EYS: variants seen among roughly 807,000 people sequenced by gnomAD.
EYS encodes protein eyes shut homolog.
In EYS, 250 loss-of-function variants were observed where a neutral mutation model predicts 282.1. That is an observed-to-expected ratio of 0.89 (90% confidence interval 0.80 to 0.98). The LOEUF (loss-of-function observed/expected upper bound fraction) is 0.98. Ranked by LOEUF, EYS falls within the 50% of genes least tolerant of loss-of-function variation. The probability of loss-of-function intolerance (pLI) is 0.00; values close to 1 mark genes in which losing one functional copy is unlikely to be tolerated. For synonymous variants in EYS, 1,355 were observed against 1,282.9 expected, an observed-to-expected ratio of 1.06 and a Z score of -1.20; for missense variants, 4,016 against 3,709.0, an observed-to-expected ratio of 1.08 and a Z score of -2.15.
intron 41 of EYS, chr6:63,741,766 T>C: frequency 5.3e-6 from 3 of 561,296 alleles, no homozygotes; most frequent in Non-Finnish European, 6.5e-6. Context: ...AGAGACCCCG[T>C]TCAATCTGAA....
intron 42 of EYS, among the ~76,000 whole-genome samples, chr6:63,724,262 A>G (rs1768526777): frequency 6.6e-6 from 1 of 152,128 alleles, no homozygotes; most frequent in Non-Finnish European, 1.5e-5. Flanking sequence ...TATTGTTTCT[A>G]CCTCATCATC....
intron 11 of EYS, chr6:65,301,025 C>T (rs770540292): frequency 2.6e-5 from 4 of 152,132 alleles, no homozygotes; most frequent in Non-Finnish European, 5.9e-5. Flanking sequence ...TCAGCTTTAC[C>T]ATGGTCCCAC....
At chr6:63,927,612 T>C (rs752045685) in intron 35 of EYS, among the ~76,000 whole-genome samples, 3 of 152,224 alleles carry the variant, frequency 2.0e-5, no homozygotes, top group Non-Finnish European at 4.4e-5. Flanking sequence ...TTTAATATTC[T>C]ATATTCCTCC....
intron 26 of EYS, among the ~76,000 whole-genome samples, chr6:64,576,909 T>C (rs1008306887): frequency 1.3e-5 from 2 of 152,068 alleles, no homozygotes; most frequent in African/African-American, 2.4e-5. Flanking sequence ...TATTTATAAA[T>C]AGAGTTATTA....
rs184949655 is a variant in EYS, at chr6:65,501,802, G to A, written c.-332-5809C>T. Among the ~76,000 whole-genome samples the A allele has an allele frequency of 5.3e-5, 8 of 151,616 alleles. No individual in the cohort carries two copies. The East Asian group carries it at 1.6e-3, about 29-fold the overall frequency. On this transcript the variant is annotated intron_variant, in intron 2 of 42. Coordinates refer to ENST00000503581, the MANE Select transcript of EYS (RefSeq NM_001142800.2). ...AGTTTTTTTGAAACACTTTAAGCTTGCCTTAAAAAATATTATCTAGACAAC... is the reference window on the plus strand; with the variant it reads ...AGTTTTTTTGAAACACTTTAAGCTTACCTTAAAAAATATTATCTAGACAAC...
intron 30 of EYS, among the ~76,000 whole-genome samples, chr6:64,238,835 G>T (rs76542007): frequency 6.6e-6 from 1 of 152,058 alleles, no homozygotes; most frequent in African/African-American, 2.4e-5. Flanking sequence ...TACGTGCCAT[G>T]GTGGCTTGCT....
intron 35 of EYS, among the ~76,000 whole-genome samples, chr6:63,974,334 T>C (rs1001852431): frequency 6.6e-6 from 1 of 152,022 alleles, no homozygotes; most frequent in African/African-American, 2.4e-5. Flanking sequence ...AAACCATTAA[T>C]AAATAGTTTT....
chr6:65,264,176 A>G (rs572613365), intron 12 of EYS, among the ~76,000 whole-genome samples: 184 of 152,292 alleles, frequency 1.2e-3, no homozygotes, highest in Non-Finnish European at 2.2e-3. Flanking sequence ...ATACCTAGCA[A>G]GGCACTTTTT....
In EYS at chr6:63,998,791, CTTT is replaced by C. The variant is rs60945987; in HGVS notation, c.6834+281_6834+283del. Among the ~76,000 whole-genome samples, 663 of 140,316 alleles carry C rather than the reference CTTT, an allele frequency of 4.7e-3. 9 individuals are homozygous for C. Among genetic ancestry groups the C allele is most frequent in the Non-Finnish European group, 5.1e-3 (331 of 64,358 alleles). The allele number at this position is 140,316 out of a possible 152,430, so 92.1% of individuals were successfully genotyped here. A position where few individuals can be genotyped will look rare whatever the true frequency, so the allele number is the denominator to read the frequency against. On this transcript the variant is annotated intron_variant, in intron 34 of 42. Transcript: ENST00000503581. ...CAATCTTTCCCCACTCTGGAGCTGT[CTTT>C]TTTTTTTTTTTTTAAAGTCAAGCAC...
chr6:65,552,091 T>A (rs1319939768), intron 2 of EYS, among the ~76,000 whole-genome samples: 1 of 145,846 alleles, frequency 6.9e-6, no homozygotes, highest in Non-Finnish European at 1.5e-5. Context: ...TCATCATCAC[T>A]GGCCATCAGA....
chr6:65,495,090 A>T lies in EYS; in HGVS notation c.321T>A (p.Ser107=). 6.2e-7 allele frequency: 1 copy of T among 1,614,218 alleles called. No homozygotes were observed. Among genetic ancestry groups the T allele is most frequent in the Non-Finnish European group, 8.5e-7 (1 of 1,180,026 alleles). ...QFPEINLMNV[S]ETSFVGCVQN... ...GCACACAGCCAACGAAAGATGTTTCAGAAACATTCATCAAATTTATTTCTG... is the reference window on the plus strand; with the variant it reads ...GCACACAGCCAACGAAAGATGTTTCTGAAACATTCATCAAATTTATTTCTG... The change falls in exon 4 of 43, where the codon TCT becomes TCA. Residue 107 remains serine, a synonymous_variant. Transcript: ENST00000503581.
intron 12 of EYS, among the ~76,000 whole-genome samples, chr6:65,111,905 A>G (rs555293077): frequency 2.0e-5 from 3 of 152,122 alleles, no homozygotes; most frequent in East Asian, 3.9e-4. Flanking sequence ...CATAGCCACA[A>G]TTTTCATCTA....
Position 64,012,650 on chromosome 6 carries a change from C to T in EYS, c.6726-13467G>A, listed in dbSNP as rs76724780. Among the ~76,000 whole-genome samples the T allele has an allele frequency of 1.1e-4, 16 of 152,286 alleles. No homozygotes were observed. In the East Asian group the frequency reaches 3.1e-3, roughly 29 times the overall value. On this transcript the variant is annotated intron_variant, in intron 33 of 42. Transcript: ENST00000503581. ...CACTTCACTTATCCAGTGTGATTGT[C>T]ATGGCTGGGTAAGCAAATTTAAGGA...
At chr6:64,481,115 T>C (rs1183013670) in intron 26 of EYS, among the ~76,000 whole-genome samples, 1 of 151,338 alleles carries the variant, frequency 6.6e-6, no homozygotes, top group East Asian at 1.9e-4. Context: ...TAATGTGCTG[T>C]TTATTTTTGC....
chr6:64,457,444 A>G (rs1049025276), intron 26 of EYS, among the ~76,000 whole-genome samples: 2 of 151,982 alleles, frequency 1.3e-5, no homozygotes, highest in African/African-American at 4.8e-5. Flanking sequence ...TAATCTGTTC[A>G]TTGCTAAAAG....
At chr6:63,908,461 A>G (rs28681049) in intron 35 of EYS, among the ~76,000 whole-genome samples, 51,244 of 151,684 alleles carry the variant, frequency 0.34, 9,258 homozygotes, top group African/African-American at 0.46. Context: ...GTTCTTTTTT[A>G]TTTTTTTGAG....
At chr6:65,692,109 A>T (rs1769264645) in intron 1 of EYS, among the ~76,000 whole-genome samples, 1 of 150,434 alleles carries the variant, frequency 6.6e-6, no homozygotes, top group Non-Finnish European at 1.5e-5. Flanking sequence ...AAAAAGAATA[A>T]AATTATGTCT....
intron 26 of EYS, among the ~76,000 whole-genome samples, chr6:64,496,979 A>T (rs1193162852): frequency 6.6e-6 from 1 of 152,042 alleles, no homozygotes; most frequent in African/African-American, 2.4e-5. Context: ...GAAGTGAATT[A>T]TTTTATTATC....
At chr6:64,372,379 G>T (rs893564032) in intron 29 of EYS, among the ~76,000 whole-genome samples, 43 of 152,144 alleles carry the variant, frequency 2.8e-4, no homozygotes, top group African/African-American at 1.0e-3. Context: ...AATCTCTTCT[G>T]ATTTGTAGGG....
Sources: gnomAD v4.1 joint callset for allele counts (sites outside exome capture counted in the v4.1 genomes callset) on GRCh38, gnomAD v4.1.1 for gene constraint, MANE v1.5 for transcripts, NCBI Gene and HGNC (gene_info 2026-07-23, HGNC 2026-07-21) for gene names.